The following WDR27 variants were observed in gnomAD, a reference collection of about 807,000 sequenced individuals.
The protein encoded by WDR27 is WD repeat domain 27.
Under a neutral mutation model 114.4 loss-of-function variants are expected in WDR27, and 100 were observed. That is an observed-to-expected ratio of 0.87 (90% CI 0.74 to 1.03). WDR27 has a LOEUF of 1.03. Among genes scored for constraint, WDR27 ranks in the 50% least tolerant of loss-of-function variants. WDR27 has a pLI of 0.00. For synonymous variants in WDR27, 449 were observed against 423.1 expected (o/e 1.06, Z -0.75); for missense variants, 1,129 against 1,092.9 (o/e 1.03, Z -0.47).
intron 6 of WDR27, chr6:169,666,451 C>T: frequency 1.0e-6 from 1 of 985,458 alleles, no homozygotes; most frequent in Non-Finnish European, 1.2e-6. Flanking sequence ...AATTCCCTAA[C>T]TCTCTTCTTC....
At chr6:169,652,614 C>A (rs1357930261) in intron 13 of WDR27, among the ~76,000 whole-genome samples, 2 of 152,182 alleles carry the variant, frequency 1.3e-5, no homozygotes, top group African/African-American at 2.4e-5. Context: ...GAACTTACCA[C>A]AAGGGTAAGT....
chr6:169,482,072 G>A (rs1388162715), intron 25 of WDR27, among the ~76,000 whole-genome samples: 1 of 152,226 alleles, frequency 6.6e-6, no homozygotes, highest in African/African-American at 2.4e-5. Context: ...TCCTGCATCA[G>A]TTTGCTAAGG....
intron 21 of WDR27, among the ~76,000 whole-genome samples, chr6:169,627,574 T>C (rs1323020053): frequency 1.3e-5 from 2 of 152,236 alleles, no homozygotes; most frequent in African/African-American, 4.8e-5. Flanking sequence ...CCTGCTGTCC[T>C]GAGGCTCCCG....
At chr6:169,577,493 T>G (rs1042044899) in intron 24 of WDR27, among the ~76,000 whole-genome samples, 1 of 150,468 alleles carries the variant, frequency 6.6e-6, no homozygotes, top group African/African-American at 2.4e-5. Context: ...GCGGGCAGGA[T>G]AAGGACAAAG....
the WDR27 span, among the ~76,000 whole-genome samples, chr6:169,429,102 C>A: frequency 6.6e-6 from 1 of 152,142 alleles, no homozygotes; most frequent in Non-Finnish European, 1.5e-5. Context: ...CAGAGGGGAG[C>A]GTCCTTCACC....
intron 25 of WDR27, among the ~76,000 whole-genome samples, chr6:169,570,355 A>G (rs1349218563): frequency 6.6e-6 from 1 of 152,252 alleles, no homozygotes; most frequent in African/African-American, 2.4e-5. Context: ...CAGAGGGAAG[A>G]CAGGAGAGAA....
At chr6:169,518,126 C>G (rs998321918) in intron 25 of WDR27, among the ~76,000 whole-genome samples, 1 of 152,230 alleles carries the variant, frequency 6.6e-6, no homozygotes, top group Non-Finnish European at 1.5e-5. Context: ...CCAATGGCTG[C>G]TCTCACAGGT....
At chr6:169,670,492 G>T in intron 4 of WDR27, 77 bp downstream of exon 4, 2 of 1,552,124 alleles carry the variant, frequency 1.3e-6, no homozygotes, top group Non-Finnish European at 1.8e-6. Flanking sequence ...AGAAAAGACC[G>T]CTGGGCAAGG....
At chr6:169,694,243 T>C (rs771685210) in intron 1 of WDR27, among the ~76,000 whole-genome samples, 1 of 152,130 alleles carries the variant, frequency 6.6e-6, no homozygotes, top group Non-Finnish European at 1.5e-5. Flanking sequence ...CCTGGGAGGC[T>C]GAGTATGCAG....
chr6:169,582,576 C>G (rs986740654), intron 24 of WDR27, among the ~76,000 whole-genome samples: 1 of 152,104 alleles, frequency 6.6e-6, no homozygotes, highest in Non-Finnish European at 1.5e-5. Context: ...TTCATTCAAT[C>G]AAACATGCAT....
chr6:169,641,724 T>G (rs1460903493), intron 17 of WDR27, among the ~76,000 whole-genome samples: 1 of 152,212 alleles, frequency 6.6e-6, no homozygotes, highest in Non-Finnish European at 1.5e-5. Flanking sequence ...ACTTCATACT[T>G]GGACAAAGAT....
At position 169,488,343 on chromosome 6, in the gene WDR27, G is replaced by A. The variant is rs149846955; in HGVS notation, c.2646-30709C>T. 4.7e-3 allele frequency among the ~76,000 whole-genome samples: 716 copies of A among 152,292 alleles called. 2 individuals carry two copies. The highest frequency in any genetic ancestry group is 0.018 in the South Asian group (87 of 4,824). ...TGGAAGAGGCAAAAGGTCTGAAATC[G>A]TCTCACAAAGGAAATTACTATTCAG... On this transcript the variant is annotated intron_variant, in intron 25 of 25. Transcript: ENST00000448612.
intron 22 of WDR27, among the ~76,000 whole-genome samples, chr6:169,607,487 G>A (rs1317367525): frequency 6.6e-6 from 1 of 151,890 alleles, no homozygotes; most frequent in Non-Finnish European, 1.5e-5. Flanking sequence ...CACATGGATG[G>A]AAGTAGAGGG....
At chr6:169,606,923 C>T (rs1471698941) in intron 22 of WDR27, among the ~76,000 whole-genome samples, 1 of 152,118 alleles carries the variant, frequency 6.6e-6, no homozygotes. Context: ...AATGTACGTT[C>T]CCACCAACAG....
intron 25 of WDR27, among the ~76,000 whole-genome samples, chr6:169,465,258 C>CAAAA (rs56688798): frequency 6.9e-5 from 7 of 101,154 alleles, no homozygotes; most frequent in East Asian, 4.7e-4. Flanking sequence ...AACTCCATCT[C>CAAAA]AAAAAAAAAA....
intron 25 of WDR27, among the ~76,000 whole-genome samples, chr6:169,562,780 C>T (rs1584236904): frequency 6.6e-6 from 1 of 152,188 alleles, no homozygotes; most frequent in South Asian, 2.1e-4. Context: ...AAAATCTGTA[C>T]AATCTGCAGA....
the WDR27 span, among the ~76,000 whole-genome samples, chr6:169,434,336 T>C: frequency 6.6e-6 from 1 of 152,222 alleles, no homozygotes; most frequent in Non-Finnish European, 1.5e-5. Context: ...TTTTATTAAA[T>C]AGGAAATCCT....
At chr6:169,573,994 AG>A (rs1801860979) in intron 24 of WDR27, among the ~76,000 whole-genome samples, 3 of 152,274 alleles carry the variant, frequency 2.0e-5, no homozygotes. Context: ...TCCCATCCTA[AG>A]CAGTTAAACA....
chr6:169,440,181 T>C, the WDR27 span, among the ~76,000 whole-genome samples: 1 of 152,108 alleles, frequency 6.6e-6, no homozygotes, highest in African/African-American at 2.4e-5. Context: ...TAATGATCTT[T>C]TGTAAAAATT....
Sources: gnomAD v4.1 joint callset for allele counts (sites outside exome capture counted in the v4.1 genomes callset) on GRCh38, gnomAD v4.1.1 for gene constraint, MANE v1.5 for transcripts, NCBI Gene and HGNC (gene_info 2026-07-23, HGNC 2026-07-21) for gene names.